The following ACOT12 variants were observed in gnomAD, a reference collection of about 807,000 sequenced individuals.
ACOT12 encodes acyl-CoA thioesterase 12, also known as acetyl-coenzyme A thioesterase.
ACOT12 carries 51 observed loss-of-function variants against 67.7 expected under a neutral mutation model. That is an observed-to-expected ratio of 0.75 (90% CI 0.60 to 0.95). The LOEUF (loss-of-function observed/expected upper bound fraction) is 0.95. ACOT12 is among the 40% of genes least tolerant of loss of function. The pLI is 0.00. For synonymous variants in ACOT12, 251 were observed against 244.6 expected (o/e 1.03, Z -0.24); for missense variants, 734 against 708.1 (o/e 1.04, Z -0.41).
intron 4 of ACOT12, 22 bp downstream of exon 4, chr5:81,363,766 C>CATACATGTAATTTACCTTTGT (rs774939095): frequency 5.0e-5 from 79 of 1,569,942 alleles, no homozygotes; most frequent in African/African-American, 8.1e-5. Context: ...ATGCTAGATA[C>CATACATGTAATTTACCTTTGT]ATCTTCACAT....
chr5:81,360,079 A>G (rs376890975), intron 4 of ACOT12, 41 bp from the exon 5 acceptor site: 1 of 1,574,126 alleles, frequency 6.4e-7, no homozygotes, highest in Non-Finnish European at 8.6e-7. Flanking sequence ...GCCTTGTTAA[A>G]TTATAAAAGC....
intron 4 of ACOT12, among the ~76,000 whole-genome samples, chr5:81,360,827 G>C (rs115174131): frequency 6.6e-6 from 1 of 152,080 alleles, no homozygotes; most frequent in Admixed American, 6.5e-5. Flanking sequence ...TTGTGGGGCT[G>C]AGGTGGGTGA....
At chr5:81,312,614 T>C in the ACOT12 span, 1 of 1,613,858 alleles carries the variant, frequency 6.2e-7, no homozygotes, top group African/African-American at 1.3e-5. Flanking sequence ...TGGATGTACC[T>C]AAACCGCAAA....
At chr5:81,318,578 C>CA in the ACOT12 span, among the ~76,000 whole-genome samples, 19 of 152,148 alleles carry the variant, frequency 1.2e-4, no homozygotes, top group African/African-American at 4.3e-4. Flanking sequence ...TCAATTTCTG[C>CA]AAAAAAGCCA....
chr5:81,385,243 T>C (rs1269497787), intron 2 of ACOT12, among the ~76,000 whole-genome samples: 1 of 151,884 alleles, frequency 6.6e-6, no homozygotes, highest in Admixed American at 6.6e-5. Flanking sequence ...GCCCAGGAGT[T>C]CGAGATCAGC....
chr5:81,335,100 T>C (rs913711101), intron 12 of ACOT12, among the ~76,000 whole-genome samples: 5 of 152,120 alleles, frequency 3.3e-5, no homozygotes, highest in Non-Finnish European at 5.9e-5. Flanking sequence ...TCAAGAGCAA[T>C]GAGGTTGCAT....
chr5:81,334,954 G>T (rs1758950234), intron 12 of ACOT12, among the ~76,000 whole-genome samples: 1 of 152,180 alleles, frequency 6.6e-6, no homozygotes, highest in South Asian at 2.1e-4. Flanking sequence ...AGGGGGAGCA[G>T]GAAGGCATGC....
At chr5:81,359,824 A>AATAATAAGGTGAAAT in intron 5 of ACOT12, 79 bp downstream of exon 5, 3 of 1,444,856 alleles carry the variant, frequency 2.1e-6, no homozygotes, top group Non-Finnish European at 2.8e-6. Flanking sequence ...AATAAGGTGA[A>AATAATAAGGTGAAAT]AATAAGTGTG....
chr5:81,359,180 G>A (rs1245744376), intron 5 of ACOT12, among the ~76,000 whole-genome samples: 1 of 152,162 alleles, frequency 6.6e-6, no homozygotes, highest in South Asian at 2.1e-4. Context: ...GCAGTGGTGA[G>A]CTTGTGGGGC....
the ACOT12 span, among the ~76,000 whole-genome samples, chr5:81,322,152 G>A: frequency 6.6e-6 from 1 of 151,998 alleles, no homozygotes; most frequent in East Asian, 1.9e-4. Flanking sequence ...AATCATTGAG[G>A]CTTTTCTTTT....
chr5:81,333,271 A>G (rs1431434631), intron 12 of ACOT12, among the ~76,000 whole-genome samples: 1 of 152,232 alleles, frequency 6.6e-6, no homozygotes, highest in Admixed American at 6.5e-5. Flanking sequence ...GGTAAATCAT[A>G]TAGTCAGTCC....
chr5:81,327,243 T>C (rs1351586035), downstream of ACOT12, among the ~76,000 whole-genome samples: 1 of 151,124 alleles, frequency 6.6e-6, no homozygotes, highest in African/African-American at 2.4e-5. Context: ...TACACACATA[T>C]ATATATATAC....
chr5:81,309,568 G>T, the ACOT12 span, among the ~76,000 whole-genome samples: 1 of 152,184 alleles, frequency 6.6e-6, no homozygotes, highest in Non-Finnish European at 1.5e-5. Context: ...TTAAGGCGGA[G>T]GTTGTTATCT....
rs183770446 is a variant in ACOT12 at position 81,376,588 on chromosome 5, C to T, written c.198-4778G>A. On this transcript the variant is annotated intron_variant, in intron 2 of 14. Coordinates refer to ENST00000307624, the MANE Select transcript of ACOT12 (RefSeq NM_130767.3). ...AAAACGTCAGCAAATAGATAGACCC[C>T]TATCCGGACTAATAAAGAAGAAAAG... 2.0e-5 allele frequency among the ~76,000 whole-genome samples: 3 copies of T among 152,070 alleles called. No homozygotes were observed. The East Asian group carries it at 5.8e-4, about 30-fold the overall frequency.
chr5:81,359,789 A>T, intron 5 of ACOT12, 114 bp downstream of exon 5: 2 of 1,149,978 alleles, frequency 1.7e-6, no homozygotes, highest in Non-Finnish European at 2.4e-6. Context: ...AAGGATACCT[A>T]GTGTCACCAG....
chr5:81,330,947 G>C lies in ACOT12; in HGVS notation c.1392-7C>G. On this transcript the variant is annotated splice_polypyrimidine_tract_variant and splice_region_variant and intron_variant, in intron 13 of 14. Coordinates refer to ENST00000307624, the MANE Select transcript of ACOT12 (RefSeq NM_130767.3). ...TGCCACTGTGTAAGTGTTACTGAAA[G>C]AAAACACTTTCTAAGCTCTTGTGAG... 1 of 1,582,194 alleles carries C rather than the reference G, an allele frequency of 6.3e-7. No homozygotes were observed. Among genetic ancestry groups the C allele is most frequent in the Non-Finnish European group, 8.6e-7 (1 of 1,166,244 alleles).
rs754653909 is a variant in ACOT12 at position 81,343,894 on chromosome 5, A to T, written c.981-13T>A. ...AATAACATATTTTCTGGAAAAAAAA[A>T]TTAAAGTGTTAAATGACAGTTTTTT... On this transcript the variant is annotated splice_polypyrimidine_tract_variant and intron_variant, in intron 9 of 14. Transcript: ENST00000307624. 4.3e-6 allele frequency: 7 copies of T among 1,610,634 alleles called. No individual in the cohort carries two copies. The highest frequency in any genetic ancestry group is 1.3e-5 in the African/African-American group (1 of 74,862).
intron 3 of ACOT12, among the ~76,000 whole-genome samples, chr5:81,367,995 A>G (rs991720200): frequency 6.6e-6 from 1 of 152,152 alleles, no homozygotes; most frequent in Non-Finnish European, 1.5e-5. Flanking sequence ...AACATCAGGA[A>G]GAGTTAAGAA....
intron 2 of ACOT12, among the ~76,000 whole-genome samples, chr5:81,375,984 C>G (rs1341073657): frequency 2.0e-5 from 3 of 152,142 alleles, no homozygotes; most frequent in Non-Finnish European, 4.4e-5. Context: ...CTGGACCAAA[C>G]AGACTTAATA....
Sources: gnomAD v4.1 joint callset for allele counts (sites outside exome capture counted in the v4.1 genomes callset) on GRCh38, gnomAD v4.1.1 for gene constraint, MANE v1.5 for transcripts, NCBI Gene and HGNC (gene_info 2026-07-23, HGNC 2026-07-21) for gene names.